Variants in ELOVL6 observed in about 807,000 individuals in gnomAD.
ELOVL6 encodes ELOVL fatty acid elongase 6.
ELOVL6 carries 8 observed loss-of-function variants against 31.7 expected under a neutral mutation model. The observed-to-expected ratio is 0.25, with a 90% confidence interval of 0.15 to 0.45. The LOEUF (loss-of-function observed/expected upper bound fraction) is 0.45. Ranked by LOEUF, ELOVL6 falls within the 20% of genes least tolerant of loss-of-function variation. ELOVL6 has a pLI of 1.00. For synonymous variants in ELOVL6, 101 were observed against 117.7 expected, an observed-to-expected ratio of 0.86 and a Z score of 0.92; for missense variants, 126 against 326.4, an observed-to-expected ratio of 0.39 and a Z score of 4.73.
intron 1 of ELOVL6, among the ~76,000 whole-genome samples, chr4:110,134,925 A>G (rs1253306444): frequency 2.6e-5 from 4 of 152,114 alleles, no homozygotes; most frequent in African/African-American, 7.2e-5. Context: ...ACTGCACTCC[A>G]GCCTGTGTAC....
chr4:110,089,480 T>C (rs916450820), intron 2 of ELOVL6, among the ~76,000 whole-genome samples: 2 of 152,114 alleles, frequency 1.3e-5, no homozygotes, highest in Non-Finnish European at 2.9e-5. Context: ...CAATCCCCTA[T>C]GTATACTGAG....
chr4:110,106,303 G>A (rs1483363636), intron 1 of ELOVL6, among the ~76,000 whole-genome samples: 1 of 152,210 alleles, frequency 6.6e-6, no homozygotes, highest in Non-Finnish European at 1.5e-5. Flanking sequence ...GCAATGAGCT[G>A]AGATTTTTGA....
At chr4:110,053,931 T>TC (rs925722638) in intron 3 of ELOVL6, among the ~76,000 whole-genome samples, 4 of 148,996 alleles carry the variant, frequency 2.7e-5, no homozygotes, top group African/African-American at 1.0e-4. Context: ...AGAGTGAGAC[T>TC]CCATCTCAAA....
intron 1 of ELOVL6, among the ~76,000 whole-genome samples, chr4:110,181,098 A>G (rs1759257698): frequency 6.6e-6 from 1 of 151,798 alleles, no homozygotes. Context: ...TGATTGTGCC[A>G]CTATCCTCCA....
At chr4:110,133,667 T>C (rs1757731195) in intron 1 of ELOVL6, among the ~76,000 whole-genome samples, 1 of 152,144 alleles carries the variant, frequency 6.6e-6, no homozygotes, top group South Asian at 2.1e-4. Context: ...GAGAGCAAAG[T>C]CCTAGGCTAA....
intron 2 of ELOVL6, among the ~76,000 whole-genome samples, chr4:110,076,455 C>CTT (rs1477403554): frequency 2.6e-5 from 4 of 152,140 alleles, no homozygotes; most frequent in Non-Finnish European, 5.9e-5. Flanking sequence ...GTGGCACTTG[C>CTT]TTTTGGCAGT....
At chr4:110,173,474 G>A (rs997324871) in intron 1 of ELOVL6, among the ~76,000 whole-genome samples, 1 of 151,344 alleles carries the variant, frequency 6.6e-6, no homozygotes, top group Non-Finnish European at 1.5e-5. Context: ...TCCTTTACCT[G>A]ATATTCTAGT....
chr4:110,059,833 G>T, intron 2 of ELOVL6, 79 bp from the exon 3 acceptor site: 1 of 1,325,974 alleles, frequency 7.5e-7, no homozygotes, highest in Non-Finnish European at 1.0e-6. Context: ...TAGAAGACTG[G>T]TTGGCCACTG....
At position 110,198,084 on chromosome 4, in the gene ELOVL6, C is replaced by A. The variant is rs891005109; in HGVS notation, c.89+163G>T. ...CCTCGCGCTTCATGTACCCCCCCCCCCCCAGCGTCTCCTGCACCCGGGAGA... is the reference window on the plus strand; with the variant it reads ...CCTCGCGCTTCATGTACCCCCCCCCACCCAGCGTCTCCTGCACCCGGGAGA... On this transcript the variant is annotated intron_variant, in intron 1 of 3. Transcript: ENST00000302274. The A allele has an allele frequency of 3.8e-5, 22 of 577,468 alleles. 2 individuals carry two copies. The highest frequency in any genetic ancestry group is 5.4e-5 in the Non-Finnish European group (17 of 317,654). 35.8% of individuals were successfully genotyped at this position (577,468 alleles called of 1,614,324 possible).
At chr4:110,068,866 G>A (rs1399314047) in intron 2 of ELOVL6, among the ~76,000 whole-genome samples, 1 of 152,182 alleles carries the variant, frequency 6.6e-6, no homozygotes, top group East Asian at 1.9e-4. Context: ...TAATAGGCTG[G>A]GGTCCATGGC....
chr4:110,162,008 G>A (rs1469669633), intron 1 of ELOVL6, among the ~76,000 whole-genome samples: 1 of 152,168 alleles, frequency 6.6e-6, no homozygotes. Flanking sequence ...GAGCACACTG[G>A]CTATCCGCAG....
chr4:110,069,120 ACT>A (rs2126226093), intron 2 of ELOVL6, among the ~76,000 whole-genome samples: 1 of 142,022 alleles, frequency 7.0e-6, no homozygotes, highest in South Asian at 2.2e-4. Context: ...ACAGAGCAAG[ACT>A]CTGTCTCCAA....
intron 1 of ELOVL6, among the ~76,000 whole-genome samples, chr4:110,181,264 C>T (rs1009219489): frequency 1.3e-5 from 2 of 152,020 alleles, no homozygotes; most frequent in Admixed American, 1.3e-4. Context: ...CTGGGCAACA[C>T]AGTGAAACCC....
At position 110,048,883 on chromosome 4, in the gene ELOVL6, TG is replaced by T. The variant is rs1428850257; in HGVS notation, c.*2454del. 7.9e-5 allele frequency: 12 copies of T among 152,222 alleles called. No homozygotes were observed. Among genetic ancestry groups the T allele is most frequent in the South Asian group, 2.1e-4 (1 of 4,826 alleles). The allele number at this position is 152,222 out of a possible 1,614,324, so 9.4% of individuals were successfully genotyped here. A position where few individuals can be genotyped will look rare whatever the true frequency, so the allele number is the denominator to read the frequency against. On this transcript the variant is annotated 3_prime_UTR_variant, in exon 4 of 4. Transcript: ENST00000302274. ...ACCTAATACCAAAATGAAAGTGCTTTGGAAGCATCATTTAGAGTCTTTTTAA... is the reference window on the plus strand; with the variant it reads ...ACCTAATACCAAAATGAAAGTGCTTTGAAGCATCATTTAGAGTCTTTTTAA...
chr4:110,078,996 C>G (rs1262525382), intron 2 of ELOVL6, among the ~76,000 whole-genome samples: 1 of 152,038 alleles, frequency 6.6e-6, no homozygotes, highest in African/African-American at 2.4e-5. Context: ...ACAAAGAAGG[C>G]CATTACATAA....
At chr4:110,129,257 C>T (rs1349129072) in intron 1 of ELOVL6, among the ~76,000 whole-genome samples, 2 of 151,606 alleles carry the variant, frequency 1.3e-5, no homozygotes, top group Non-Finnish European at 2.9e-5. Context: ...AAGTGAGACA[C>T]ATCTACACTG....
At chr4:110,122,658 G>T in intron 1 of ELOVL6, among the ~76,000 whole-genome samples, 1 of 152,202 alleles carries the variant, frequency 6.6e-6, no homozygotes, top group Non-Finnish European at 1.5e-5. Context: ...GATTACAGGT[G>T]TGAGGCACTG....
intron 1 of ELOVL6, among the ~76,000 whole-genome samples, chr4:110,133,610 A>C (rs1757729785): frequency 6.6e-6 from 1 of 152,140 alleles, no homozygotes; most frequent in Non-Finnish European, 1.5e-5. Flanking sequence ...AAAGGCATGC[A>C]CCTTCTCATC....
intron 1 of ELOVL6, among the ~76,000 whole-genome samples, chr4:110,134,279 G>A (rs6533495): frequency 0.49 from 74,881 of 152,002 alleles, 19,371 homozygotes; most frequent in African/African-American, 0.65. Context: ...CATAATTGAT[G>A]TCTGTTTCTG....
Sources: gnomAD v4.1 joint callset for allele counts (sites outside exome capture counted in the v4.1 genomes callset) on GRCh38, gnomAD v4.1.1 for gene constraint, MANE v1.5 for transcripts, NCBI Gene and HGNC (gene_info 2026-07-23, HGNC 2026-07-21) for gene names.